The following NUMB variants were observed in gnomAD, a reference collection of about 807,000 sequenced individuals.
NUMB encodes the protein NUMB endocytic adaptor protein.
Under a neutral mutation model 59.7 loss-of-function variants are expected in NUMB, and 29 were observed. The ratio of observed to expected loss-of-function variants is 0.49; its 90% confidence interval spans 0.36 to 0.66. The LOEUF is 0.66. Among genes scored for constraint, NUMB ranks in the 30% least tolerant of loss-of-function variants. NUMB has a pLI of 0.00. For synonymous variants in NUMB, 288 were observed against 288.2 expected, an observed-to-expected ratio of 1.00 and a Z score of 0.01; for missense variants, 723 against 822.0, an observed-to-expected ratio of 0.88 and a Z score of 1.47.
intron 2 of NUMB, among the ~76,000 whole-genome samples, chr14:73,385,265 T>C (rs998891381): frequency 6.6e-6 from 1 of 150,394 alleles, no homozygotes; most frequent in African/African-American, 2.4e-5. Flanking sequence ...TCTCAAGTCA[T>C]CCTCCTCTAG....
Position 73,284,524 on chromosome 14 carries a change from C to A in NUMB, c.656-150G>T, listed in dbSNP as rs1346870235. ...ATAAGTTAGAAGCAGGGTTCGGATC[C>A]ATTTTTCAGACAGATAAAAGGCTTA... On this transcript the variant is annotated intron_variant, in intron 9 of 12. Coordinates refer to ENST00000555238, the MANE Select transcript of NUMB (RefSeq NM_001005743.2). 7.8e-6 allele frequency: 5 copies of A among 638,004 alleles called. No homozygotes were observed. In the African/African-American group the frequency reaches 9.1e-5, roughly 12 times the overall value. The allele number at this position is 638,004 out of a possible 1,614,324, so 39.5% of individuals were successfully genotyped here.
At chr14:73,369,964 T>G (rs556100464) in intron 2 of NUMB, among the ~76,000 whole-genome samples, 147 of 152,350 alleles carry the variant, frequency 9.6e-4, no homozygotes, top group Non-Finnish European at 1.4e-3. Flanking sequence ...TGAATTTTAT[T>G]AAAAAGAATC....
chr14:73,350,848 T>C (rs1893211731), intron 4 of NUMB, among the ~76,000 whole-genome samples: 1 of 152,142 alleles, frequency 6.6e-6, no homozygotes, highest in Admixed American at 6.6e-5. Flanking sequence ...CTCTTAATTA[T>C]CGATCAATTT....
chr14:73,458,072 C>T (rs1192925234), intron 1 of NUMB: 2 of 152,520 alleles, frequency 1.3e-5, no homozygotes, highest in Non-Finnish European at 2.9e-5. Flanking sequence ...CCCAAGCCGT[C>T]CTGGGTATTC....
chr14:73,292,012 G>A (rs66498577), intron 8 of NUMB, among the ~76,000 whole-genome samples: 34,597 of 151,928 alleles, frequency 0.23, 4,965 homozygotes, highest in East Asian at 0.68. Context: ...ATAGTTGAAA[G>A]TATACTCCAA....
At chr14:73,373,707 T>C (rs1179278167) in intron 2 of NUMB, among the ~76,000 whole-genome samples, 1 of 127,540 alleles carries the variant, frequency 7.8e-6, no homozygotes, top group Admixed American at 7.5e-5. Flanking sequence ...AAAGCTTCCT[T>C]TTTTTTTTTT....
At chr14:73,389,060 C>A (rs1253457716) in intron 2 of NUMB, among the ~76,000 whole-genome samples, 1 of 145,682 alleles carries the variant, frequency 6.9e-6, no homozygotes, top group Non-Finnish European at 1.5e-5. Context: ...GATGGCGCCA[C>A]TGCACTCCAG....
At chr14:73,403,760 A>T (rs1157161127) in intron 2 of NUMB, among the ~76,000 whole-genome samples, 1 of 152,040 alleles carries the variant, frequency 6.6e-6, no homozygotes, top group African/African-American at 2.4e-5. Context: ...GTTTGAGACC[A>T]ACCTGGCCAA....
intron 8 of NUMB, among the ~76,000 whole-genome samples, chr14:73,291,999 A>G (rs550278468): frequency 1.3e-5 from 2 of 151,968 alleles, no homozygotes; most frequent in African/African-American, 2.4e-5. Context: ...TTCTGTTTTT[A>G]TAATAGTTGA....
chr14:73,450,615 C>T lies in NUMB; in HGVS notation c.-233+7878G>A, dbSNP rs1215460454. ...TTTGAGATCAGCCTGGCCAATATGG[C>T]GGAACCCTGTTTCTACTAAAAATAC... On this transcript the variant is annotated intron_variant, in intron 1 of 12. Coordinates refer to ENST00000555238, the MANE Select transcript of NUMB (RefSeq NM_001005743.2). 2.0e-5 allele frequency among the ~76,000 whole-genome samples: 3 copies of T among 151,186 alleles called. No individual in the cohort carries two copies. The East Asian group carries it at 5.9e-4, about 30-fold the overall frequency.
chr14:73,292,148 G>A (rs553656036), intron 8 of NUMB, among the ~76,000 whole-genome samples: 12 of 152,094 alleles, frequency 7.9e-5, no homozygotes, highest in Admixed American at 1.3e-4. Context: ...TGTTCTGCTC[G>A]CCTCAGCCTC....
At chr14:73,422,794 C>A (rs1160276304) in intron 1 of NUMB, among the ~76,000 whole-genome samples, 1 of 151,928 alleles carries the variant, frequency 6.6e-6, no homozygotes, top group African/African-American at 2.4e-5. Flanking sequence ...GAGGGATCTG[C>A]TCCCAGGATT....
intron 8 of NUMB, among the ~76,000 whole-genome samples, chr14:73,288,920 T>G (rs1450499918): frequency 2.0e-5 from 3 of 151,630 alleles, no homozygotes; most frequent in African/African-American, 7.3e-5. Flanking sequence ...GGTGGTGGTG[T>G]GTGTCTGTGG....
intron 4 of NUMB, among the ~76,000 whole-genome samples, chr14:73,349,847 C>G (rs1423882176): frequency 6.6e-6 from 1 of 151,324 alleles, no homozygotes; most frequent in Non-Finnish European, 1.5e-5. Context: ...CCACTGCACT[C>G]CAGCCTGGGG....
chr14:73,355,483 C>G (rs1893734975), intron 4 of NUMB, 143 bp downstream of exon 4: 1 of 606,294 alleles, frequency 1.6e-6, no homozygotes, highest in East Asian at 3.1e-5. Flanking sequence ...CTTTCTTTCT[C>G]TTTTAATTCT....
At chr14:73,355,600 A>T in intron 4 of NUMB, 26 bp downstream of exon 4, 1 of 1,594,832 alleles carries the variant, frequency 6.3e-7, no homozygotes, top group Non-Finnish European at 8.5e-7. Flanking sequence ...TTCCACATAC[A>T]GACTTATAGA....
chr14:73,390,784 G>C (rs1895813519), intron 2 of NUMB, among the ~76,000 whole-genome samples: 1 of 150,568 alleles, frequency 6.6e-6, no homozygotes, highest in African/African-American at 2.4e-5. Context: ...TGAGTAGCTG[G>C]GATTACAGAC....
chr14:73,325,831 T>C (rs928767963), intron 4 of NUMB, among the ~76,000 whole-genome samples: 4 of 152,194 alleles, frequency 2.6e-5, no homozygotes, highest in African/African-American at 9.7e-5. Context: ...GATGGTGTGA[T>C]AGCAGCAGAG....
rs574870322 is a variant in NUMB at position 73,396,043 on chromosome 14, AT to A, written c.-101+13893del. Among the ~76,000 whole-genome samples, 11 of 151,998 alleles carry A rather than the reference AT, an allele frequency of 7.2e-5. No individual in the cohort carries two copies. The East Asian group carries it at 1.9e-3, about 27-fold the overall frequency. ...AGTCTTTTTTATTTTTATTTTTTTT[AT>A]TTTTTAGAGACAGGCACATGCCATA... On this transcript the variant is annotated intron_variant, in intron 2 of 12. Coordinates refer to ENST00000555238, the MANE Select transcript of NUMB (RefSeq NM_001005743.2).
Sources: gnomAD v4.1 joint callset for allele counts (sites outside exome capture counted in the v4.1 genomes callset) on GRCh38, gnomAD v4.1.1 for gene constraint, MANE v1.5 for transcripts, NCBI Gene and HGNC (gene_info 2026-07-23, HGNC 2026-07-21) for gene names.